Variants in OR2J1 observed in about 807,000 individuals in gnomAD.
The protein encoded by OR2J1 is olfactory receptor family 2 subfamily J member 1.
Under a neutral mutation model 10.2 loss-of-function variants are expected in OR2J1, and 10 were observed. The ratio of observed to expected loss-of-function variants is 0.98; its 90% CI spans 0.60 to 1.66. OR2J1 has a LOEUF of 1.66. Among genes scored for constraint, OR2J1 ranks in the 40% most tolerant of loss-of-function variants. OR2J1 has a pLI of 0.00. For missense variants in OR2J1, 317 were observed against 379.4 expected, an observed-to-expected ratio of 0.84 and a Z score of 1.37; for synonymous variants, 143 against 138.8, an observed-to-expected ratio of 1.03 and a Z score of -0.21.
At position 29,101,217 on chromosome 6, in the gene OR2J1, C is replaced by A. The variant is rs1581896243; in HGVS notation, c.275C>A (p.Thr92Asn). ...LLVNLWGPEK[T>N]ISYAGCTVQL... ...GTGAATCTCTGGGGCCCGGAAAAGA[C>A]CATCTCTTATGCTGGTTGTACGGTT... The change falls in exon 2 of 2, where the codon ACC (threonine) becomes AAC (asparagine). Residue 92 changes from threonine to asparagine, a missense_variant. Thr to Asn is a moderately conservative substitution (Grantham distance 65, BLOSUM62 0). Coordinates refer to ENST00000641659, the MANE Select transcript of OR2J1 (RefSeq NM_001348294.2). The A allele has an allele frequency of 1.3e-6, 2 of 1,598,032 alleles. No individual in the cohort carries two copies. The highest frequency in any genetic ancestry group is 1.3e-5 in the African/African-American group (1 of 74,708).
chr6:29,101,325 G>A lies in OR2J1; in HGVS notation c.383G>A (p.Cys128Tyr). Reference protein sequence around the residue: ...VMSYDRYAAVCRPLHYTVLMH... With the variant: ...VMSYDRYAAVYRPLHYTVLMH... ...TCCTATGATCGTTATGCAGCTGTGT[G>A]TAGACCTTTGCATTACACTGTCCTC... The change falls in exon 2 of 2, where the codon TGT (cysteine) becomes TAT (tyrosine). Residue 128 changes from cysteine (C) to tyrosine (Y), a missense_variant. Coordinates refer to ENST00000641659, the MANE Select transcript of OR2J1 (RefSeq NM_001348294.2). The A allele has an allele frequency of 6.2e-7, 1 of 1,602,824 alleles. No homozygotes were observed. The highest frequency in any genetic ancestry group is 1.1e-5 in the South Asian group (1 of 90,854).
chr6:29,100,817 T>C lies in OR2J1; in HGVS notation c.-126T>C, dbSNP rs1761548339. 1.6e-6 allele frequency: 1 copy of C among 615,052 alleles called. No homozygotes were observed. Among genetic ancestry groups the C allele is most frequent in the South Asian group, 2.1e-5 (1 of 48,544 alleles). The allele number at this position is 615,052 out of a possible 1,614,324, so 38.1% of individuals were successfully genotyped here. ...AAACTGTATAAAAATTCTACTGCCATAATGGTGCACACTATCTGGAATTGG... is the reference window on the plus strand; with the variant it reads ...AAACTGTATAAAAATTCTACTGCCACAATGGTGCACACTATCTGGAATTGG... On this transcript the variant is annotated 5_prime_UTR_variant, in exon 2 of 2. Transcript: ENST00000641659.
rs1271336935 is a variant in OR2J1, at chr6:29,102,010, T to C, written c.*129T>C. 4 of 586,580 alleles carry C rather than the reference T, an allele frequency of 6.8e-6. No homozygotes were observed. In the Admixed American group the frequency reaches 1.2e-4, roughly 18 times the overall value. 36.3% of individuals were successfully genotyped at this position (586,580 alleles called of 1,614,324 possible). A position where few individuals can be genotyped will look rare whatever the true frequency, so the allele number is the denominator to read the frequency against. ...ACATGGAATAGTTCAGTTCCCCCATTTGTTGCTCTGTTTAATATTTAGTTC... is the reference window on the plus strand; with the variant it reads ...ACATGGAATAGTTCAGTTCCCCCATCTGTTGCTCTGTTTAATATTTAGTTC... On this transcript the variant is annotated 3_prime_UTR_variant, in exon 2 of 2. Transcript: ENST00000641659.
intron 1 of OR2J1, among the ~76,000 whole-genome samples, chr6:29,100,232 A>G (rs992621582): frequency 4.6e-5 from 7 of 152,166 alleles, no homozygotes; most frequent in Non-Finnish European, 8.8e-5. Context: ...CTGTCTTCCA[A>G]TAATAATTAT....
At position 29,099,653 on chromosome 6, in the gene OR2J1, A is replaced by T. The variant is rs1279386988; in HGVS notation, c.-389A>T. 1 of 152,228 alleles carries T rather than the reference A, an allele frequency of 6.6e-6. No homozygotes were observed. The highest frequency in any genetic ancestry group is 2.4e-5 in the African/African-American group (1 of 41,454). The allele number at this position is 152,228 out of a possible 1,614,324, so 9.4% of individuals were successfully genotyped here. A position where few individuals can be genotyped will look rare whatever the true frequency, so the allele number is the denominator to read the frequency against. ...CTTGCAATTTTTCCATGATTTCTCA[A>T]AAGGTAATGATCATTTCATTATCAA... is the stretch of plus-strand genomic sequence containing the variant. On this transcript the variant is annotated 5_prime_UTR_variant, in exon 1 of 2. Transcript: ENST00000641659.
Position 29,101,026 on chromosome 6 carries a change from CT to C in OR2J1, c.87del (p.Phe29LeufsTer5). On this transcript the variant is annotated frameshift_variant, in exon 2 of 2. Coordinates refer to ENST00000641659, the MANE Select transcript of OR2J1 (RefSeq NM_001348294.2). LOFTEE classifies it low-confidence loss of function (END_TRUNC). ...ACTGGCCTCATCTGGAAGTAGTTCT[CT>C]TTGTGGTTATCTTGATCTTCTACTT... The part of the protein sequence containing the change: ...SNWPHLEVVL[F>X]VVILIFYLIT... 1 of 1,507,742 alleles carries C rather than the reference CT, an allele frequency of 6.6e-7. No homozygotes were observed. The highest frequency in any genetic ancestry group is 9.2e-7 in the Non-Finnish European group (1 of 1,083,342). 93.4% of individuals were successfully genotyped at this position (1,507,742 alleles called of 1,614,324 possible).
chr6:29,101,391 G>C lies in OR2J1; in HGVS notation c.449G>C (p.Trp150Ser). 6.3e-7 allele frequency: 1 copy of C among 1,578,054 alleles called. No homozygotes were observed. The highest frequency in any genetic ancestry group is 8.7e-7 in the Non-Finnish European group (1 of 1,147,040). The stretch of plus-strand genomic sequence containing the variant: ...TGCCGCTTGTTGGCTGCGGCTTCTT[G>C]GGTAAGTGGTTTTACAACCTCAGCA... Reference protein sequence around the residue: ...RFCRLLAAASWVSGFTTSALH... With the variant: ...RFCRLLAAASSVSGFTTSALH... The change falls in exon 2 of 2, where the codon TGG becomes TCG. Residue 150 changes from tryptophan to serine, a missense_variant. By Grantham distance (177) the Trp-to-Ser change is radical. Coordinates refer to ENST00000641659, the MANE Select transcript of OR2J1 (RefSeq NM_001348294.2).
rs757551002 is a variant in OR2J1, at chr6:29,101,278, G to C, written c.336G>C (p.Glu112Asp). 5.0e-6 allele frequency: 8 copies of C among 1,601,432 alleles called. No homozygotes were observed. The highest frequency in any genetic ancestry group is 1.1e-5 in the South Asian group (1 of 90,794). The change falls in exon 2 of 2, where the codon GAG (glutamate) becomes GAC (aspartate). Residue 112 changes from glutamate (E) to aspartate (D), a missense_variant. Physicochemically the swap from Glu to Asp is conservative, Grantham distance 45. Transcript: ENST00000641659. Reference sequence around the variant, plus strand: ...TTGTTCTCGCACTGGGAACCGCAGAGTGTGTCCTACTGGTGGTGATGTCCT... The same window carrying C: ...TTGTTCTCGCACTGGGAACCGCAGACTGTGTCCTACTGGTGGTGATGTCCT... ...LYFVLALGTA[E>D]CVLLVVMSYD...
chr6:29,101,744 T>A lies in OR2J1; in HGVS notation c.802T>A (p.Ser268Thr). Residue 268 changes from serine (S) to threonine (T), a missense_variant, in exon 2 of 2, where the codon TCT becomes ACT. Ser to Thr is a moderately conservative substitution (Grantham distance 58). Transcript: ENST00000641659. ...GTATCTCCAGCCACCATCAGAAAAT[T>A]CTCAAGATCAAGGCAAGTTCATTGC... ...CMYLQPPSENSQDQGKFIALF... is the reference protein window; with the variant it reads ...CMYLQPPSENTQDQGKFIALF... 1 of 1,613,556 alleles carries A rather than the reference T, an allele frequency of 6.2e-7. No individual in the cohort carries two copies. The highest frequency in any genetic ancestry group is 1.1e-5 in the South Asian group (1 of 91,076).
In OR2J1 at chr6:29,100,913, ATTCT is replaced by A. The variant is rs72409223; in HGVS notation, c.-23_-20del. On this transcript the variant is annotated 5_prime_UTR_variant, in exon 2 of 2. An upstream open reading frame in the 5' UTR loses its in-frame stop. Coordinates refer to ENST00000641659, the MANE Select transcript of OR2J1 (RefSeq NM_001348294.2). ...CATGGACAGACTTTGAGTTTATGCG[ATTCT>A]TTCTTTAGGTACAGGAAAAATAAGA... The A allele has an allele frequency of 0.071, 70,053 of 985,384 alleles. 3,631 individuals are homozygous for A. The highest frequency in any genetic ancestry group is 0.1 in the Non-Finnish European group (62,455 of 626,808). The allele number at this position is 985,384 out of a possible 1,614,324, so 61.0% of individuals were successfully genotyped here. A position where few individuals can be genotyped will look rare whatever the true frequency, so the allele number is the denominator to read the frequency against.
At position 29,101,289 on chromosome 6, in the gene OR2J1, T is replaced by C; in HGVS notation, c.347T>C (p.Leu116Pro). ...CTGGGAACCGCAGAGTGTGTCCTACTGGTGGTGATGTCCTATGATCGTTAT... is the reference window on the plus strand; with the variant it reads ...CTGGGAACCGCAGAGTGTGTCCTACCGGTGGTGATGTCCTATGATCGTTAT... Reference protein sequence around the residue: ...LALGTAECVLLVVMSYDRYAA... With the variant: ...LALGTAECVLPVVMSYDRYAA... Residue 116 changes from leucine (L) to proline (P), a missense_variant, in exon 2 of 2, where the codon CTG (leucine) becomes CCG (proline). Transcript: ENST00000641659. The C allele has an allele frequency of 6.2e-7, 1 of 1,601,338 alleles. No homozygotes were observed. The highest frequency in any genetic ancestry group is 8.6e-7 in the Non-Finnish European group (1 of 1,168,260).
rs1761682733 is a variant in OR2J1, at chr6:29,102,279, T to G, written c.*398T>G. On this transcript the variant is annotated 3_prime_UTR_variant, in exon 2 of 2. Coordinates refer to ENST00000641659, the MANE Select transcript of OR2J1 (RefSeq NM_001348294.2). ...TTGCAAAGATGTAGGCTGAAGAAGT[T>G]TTTGGTTATTAAATAAACCTTAAAT... The G allele has an allele frequency of 6.2e-6, 1 of 162,272 alleles. No individual in the cohort carries two copies. The highest frequency in any genetic ancestry group is 1.3e-5 in the Non-Finnish European group (1 of 74,954). 10.1% of individuals were successfully genotyped at this position (162,272 alleles called of 1,614,324 possible).
At position 29,101,337 on chromosome 6, in the gene OR2J1, A is replaced by T. The variant is rs1431220359; in HGVS notation, c.395A>T (p.His132Leu). ...DRYAAVCRPL[H>L]YTVLMHPRFC... Reference sequence around the variant, plus strand: ...TATGCAGCTGTGTGTAGACCTTTGCATTACACTGTCCTCATGCACCCTCGT... The same window carrying T: ...TATGCAGCTGTGTGTAGACCTTTGCTTTACACTGTCCTCATGCACCCTCGT... The change falls in exon 2 of 2, where the codon CAT (histidine) becomes CTT (leucine). Residue 132 changes from histidine to leucine, a missense_variant. His to Leu is a moderately conservative substitution (Grantham distance 99, BLOSUM62 -3). Coordinates refer to ENST00000641659, the MANE Select transcript of OR2J1 (RefSeq NM_001348294.2). The T allele has an allele frequency of 6.2e-6, 10 of 1,602,586 alleles. No individual in the cohort carries two copies. Among genetic ancestry groups the T allele is most frequent in the Non-Finnish European group, 8.5e-6 (10 of 1,169,664 alleles).
chr6:29,101,601 G>A lies in OR2J1; in HGVS notation c.659G>A (p.Gly220Asp). ...IPLILILTSY[G>D]AIARAVLSMQ... ...CTCATCCTCATCCTCACTTCCTATG[G>A]TGCCATTGCCCGGGCTGTACTGAGC... is the stretch of plus-strand genomic sequence containing the variant. The change falls in exon 2 of 2, where the codon GGT (glycine) becomes GAT (aspartate). Residue 220 changes from glycine (G) to aspartate (D), a missense_variant. Gly to Asp is a moderately conservative substitution (Grantham distance 94). Coordinates refer to ENST00000641659, the MANE Select transcript of OR2J1 (RefSeq NM_001348294.2). 1 of 1,610,848 alleles carries A rather than the reference G, an allele frequency of 6.2e-7. No homozygotes were observed.
chr6:29,099,607 A>G lies in OR2J1; in HGVS notation c.-435A>G, dbSNP rs1248641007. 1.3e-5 allele frequency: 2 copies of G among 152,180 alleles called. No individual in the cohort carries two copies. The highest frequency in any genetic ancestry group is 4.8e-5 in the African/African-American group (2 of 41,438). 9.4% of individuals were successfully genotyped at this position (152,180 alleles called of 1,614,324 possible). A position where few individuals can be genotyped will look rare whatever the true frequency, so the allele number is the denominator to read the frequency against. On this transcript the variant is annotated 5_prime_UTR_variant, in exon 1 of 2. Transcript: ENST00000641659. ...CTTACAGAATATTACCTTTCAACCT[A>G]GCGAAATTTTTAAAAAAATTCTTGC...
At position 29,101,438 on chromosome 6, in the gene OR2J1, T is replaced by C. The variant is rs1761603299; in HGVS notation, c.496T>C (p.Trp166Arg). ...TSALHSSFTF[W>R]IPLCRHRLVD... is the part of the protein sequence containing the mutation. ...AGCACTTCATTCCTCCTTTACTTTCTGGATACCCCTATGTAGACATCGCCT... is the reference window on the plus strand; with the variant it reads ...AGCACTTCATTCCTCCTTTACTTTCCGGATACCCCTATGTAGACATCGCCT... Residue 166 changes from tryptophan (W) to arginine (R), a missense_variant, in exon 2 of 2, where the codon TGG becomes CGG. Coordinates refer to ENST00000641659, the MANE Select transcript of OR2J1 (RefSeq NM_001348294.2). 6.6e-7 allele frequency: 1 copy of C among 1,512,208 alleles called. No individual in the cohort carries two copies. The highest frequency in any genetic ancestry group is 1.4e-5 in the African/African-American group (1 of 73,468). The allele number at this position is 1,512,208 out of a possible 1,614,324, so 93.7% of individuals were successfully genotyped here. A position where few individuals can be genotyped will look rare whatever the true frequency, so the allele number is the denominator to read the frequency against.
Position 29,101,937 on chromosome 6 carries a change from T to G in OR2J1, c.*56T>G, listed in dbSNP as rs936864299. On this transcript the variant is annotated 3_prime_UTR_variant, in exon 2 of 2. Transcript: ENST00000641659. Reference sequence around the variant, plus strand: ...TAGGGTCTTATCCATTTTGAAAGGTTGTTTCCCTGCTTCTTTGTGATTTGT... The same window carrying G: ...TAGGGTCTTATCCATTTTGAAAGGTGGTTTCCCTGCTTCTTTGTGATTTGT... The G allele has an allele frequency of 5.6e-6, 4 of 713,130 alleles. No individual in the cohort carries two copies. The highest frequency in any genetic ancestry group is 3.5e-5 in the African/African-American group (2 of 56,728). The allele number at this position is 713,130 out of a possible 1,614,324, so 44.2% of individuals were successfully genotyped here.
intron 1 of OR2J1, 97 bp from the exon 2 acceptor site, chr6:29,100,663 A>G (rs1167348942): frequency 1.1e-5 from 3 of 262,076 alleles, no homozygotes; most frequent in Non-Finnish European, 2.1e-5. Context: ...TGTCTTTCTG[A>G]TTATGGAATA....
rs1761552020 is a variant in OR2J1 at position 29,100,885 on chromosome 6, A to G, written c.-58A>G. On this transcript the variant is annotated 5_prime_UTR_variant, in exon 2 of 2. The change abolishes an upstream ATG in the 5' untranslated region. Coordinates refer to ENST00000641659, the MANE Select transcript of OR2J1 (RefSeq NM_001348294.2). ...TCTGTTTGCAAGTGAGCAGTTGGCA[A>G]TGCATGGACAGACTTTGAGTTTATG... 3.8e-6 allele frequency: 3 copies of G among 781,032 alleles called. No homozygotes were observed. Among genetic ancestry groups the G allele is most frequent in the Non-Finnish European group, 6.5e-6 (3 of 458,734 alleles). The allele number at this position is 781,032 out of a possible 1,614,324, so 48.4% of individuals were successfully genotyped here. A position where few individuals can be genotyped will look rare whatever the true frequency, so the allele number is the denominator to read the frequency against.
Sources: allele counts gnomAD v4.1 joint callset (sites outside exome capture counted in the v4.1 genomes callset), GRCh38; gene constraint gnomAD v4.1.1; transcripts MANE v1.5; gene names NCBI Gene and HGNC (gene_info 2026-07-23, HGNC 2026-07-21).